The following EPB41L1 variants were observed in gnomAD, a reference collection of about 807,000 sequenced individuals.
EPB41L1 encodes the protein band 4.1-like protein 1.
EPB41L1 carries 29 observed loss-of-function variants against 97.8 expected under a neutral mutation model. The ratio of observed to expected loss-of-function variants is 0.30; its 90% CI spans 0.22 to 0.40. EPB41L1 has a LOEUF of 0.40. EPB41L1 is among the 10% of genes least tolerant of loss of function. The probability of loss-of-function intolerance (pLI) is 1.00; values close to 1 mark genes in which losing one functional copy is unlikely to be tolerated. For missense variants in EPB41L1, 812 were observed against 1,162.3 expected (o/e 0.70, Z 4.38); for synonymous variants, 383 against 459.2 (o/e 0.83, Z 2.12).
At position 36,230,616 on chromosome 20, in the gene EPB41L1, C is replaced by G. The variant is rs1375347596; in HGVS notation, c.*1276C>G. The G allele has an allele frequency of 6.6e-6, 1 of 152,252 alleles. No individual in the cohort carries two copies. The highest frequency in any genetic ancestry group is 6.5e-5 in the Admixed American group (1 of 15,276). The allele number at this position is 152,252 out of a possible 1,614,324, so 9.4% of individuals were successfully genotyped here. ...GCCAGTTCAAGACACCTTCTCCCTG[C>G]CCCCCTGGTAGTAACAGTCAGGGCC... On this transcript the variant is annotated 3_prime_UTR_variant, in exon 22 of 22. Coordinates refer to ENST00000338074, the MANE Select transcript of EPB41L1 (RefSeq NM_012156.2).
rs939930947 is a variant in EPB41L1, at chr20:36,214,238, G to A, written c.2185-119G>A. On this transcript the variant is annotated intron_variant, in intron 16 of 21. Transcript: ENST00000338074. The stretch of plus-strand genomic sequence containing the variant: ...TGATTTGGTCTGTGTGCAGCCCCCT[G>A]CCAGTGATGTTCACTCACACAGCCT... The A allele has an allele frequency of 1.8e-5, 13 of 733,676 alleles. No individual in the cohort carries two copies. The Admixed American group carries it at 1.8e-4, about 10-fold the overall frequency. The allele number at this position is 733,676 out of a possible 1,614,324, so 45.4% of individuals were successfully genotyped here.
intron 2 of EPB41L1, among the ~76,000 whole-genome samples, chr20:36,116,831 T>A (rs892567446): frequency 6.6e-6 from 1 of 152,150 alleles, no homozygotes; most frequent in Non-Finnish European, 1.5e-5. Context: ...TTTGGATTTT[T>A]CTCCAAACAA....
intron 13 of EPB41L1, among the ~76,000 whole-genome samples, chr20:36,196,759 T>G (rs542616038): frequency 6.6e-6 from 1 of 152,298 alleles, no homozygotes; most frequent in Non-Finnish European, 1.5e-5. Context: ...TGAATTGAGT[T>G]AACATGAATT....
chr20:36,199,960 A>AC (rs2062410168), intron 14 of EPB41L1, among the ~76,000 whole-genome samples: 1 of 152,140 alleles, frequency 6.6e-6, no homozygotes, highest in Non-Finnish European at 1.5e-5. Flanking sequence ...GGGTCTTAGT[A>AC]AAAGGTGGAA....
intron 17 of EPB41L1, among the ~76,000 whole-genome samples, chr20:36,218,116 AGAGTGGCGTGCACAGTGTGTTG>A (rs2063550338): frequency 6.6e-6 from 1 of 152,220 alleles, no homozygotes; most frequent in East Asian, 1.9e-4. Context: ...TCCCAAGGGC[AGAGTGGCGTGCACAGTGTGTTG>A]GACTTGGAGT....
intron 4 of EPB41L1, 59 bp from the exon 5 acceptor site, chr20:36,178,571 C>T: frequency 6.5e-7 from 1 of 1,541,758 alleles, no homozygotes; most frequent in Non-Finnish European, 9.0e-7. Context: ...TTCTCTCTCT[C>T]AGCCCAGTCA....
intron 1 of EPB41L1, among the ~76,000 whole-genome samples, chr20:36,105,908 A>C (rs1382040221): frequency 6.6e-6 from 1 of 151,970 alleles, no homozygotes; most frequent in South Asian, 2.1e-4. Flanking sequence ...CCTTTTCCCT[A>C]TTCTGGAATC....
chr20:36,178,554 A>G (rs2061345697), intron 4 of EPB41L1, 76 bp from the exon 5 acceptor site: 1 of 1,453,186 alleles, frequency 6.9e-7, no homozygotes, highest in Non-Finnish European at 9.7e-7. Context: ...CAGCCATTTC[A>G]GGATATTTCT....
Position 36,195,430 on chromosome 20 carries a change from C to T in EPB41L1, c.1485+66C>T. 1 of 1,573,568 alleles carries T rather than the reference C, an allele frequency of 6.4e-7. No individual in the cohort carries two copies. Among genetic ancestry groups the T allele is most frequent in the Non-Finnish European group, 8.7e-7 (1 of 1,143,620 alleles). Reference sequence around the variant, plus strand: ...ATCCCTAGCTCATTTGTCACCATCCCACAGTCCATCCCAGGCTCACTTCCC... The same window carrying T: ...ATCCCTAGCTCATTTGTCACCATCCTACAGTCCATCCCAGGCTCACTTCCC... On this transcript the variant is annotated intron_variant, in intron 13 of 21. Transcript: ENST00000338074. The surrounding 1 kb of genome is among the most constrained non-coding windows in gnomAD (Gnocchi z 4.6).
intron 2 of EPB41L1, among the ~76,000 whole-genome samples, chr20:36,146,576 T>C (rs2059840686): frequency 6.6e-6 from 1 of 152,144 alleles, no homozygotes; most frequent in Non-Finnish European, 1.5e-5. Context: ...CCTTGTGAAG[T>C]TGCGGATTAA....
chr20:36,154,981 G>C lies in EPB41L1; in HGVS notation c.-15+85G>C. On this transcript the variant is annotated intron_variant, in intron 1 of 21. Coordinates refer to ENST00000338074, the MANE Select transcript of EPB41L1 (RefSeq NM_012156.2). This position sits in a 1 kb window ranked among gnomAD's most constrained non-coding sequence, Gnocchi z 5.5. ...AGCCTCCAGCCCTGGGGAGGAACGG[G>C]GGCGAGGCCGAGAACTGAGTTTTCA... 8.8e-7 allele frequency: 1 copy of C among 1,133,546 alleles called. No homozygotes were observed. The highest frequency in any genetic ancestry group is 1.6e-5 in the African/African-American group (1 of 61,404). The allele number at this position is 1,133,546 out of a possible 1,614,324, so 70.2% of individuals were successfully genotyped here.
intron 2 of EPB41L1, among the ~76,000 whole-genome samples, chr20:36,124,566 C>G (rs1008597443): frequency 6.6e-6 from 1 of 152,222 alleles, no homozygotes; most frequent in Admixed American, 6.5e-5. Context: ...TTTCCTGGCT[C>G]TTTGCCGCCT....
intron 14 of EPB41L1, chr20:36,200,869 G>A: frequency 2.2e-6 from 1 of 456,184 alleles, no homozygotes; most frequent in Non-Finnish European, 4.4e-6. Flanking sequence ...GGCCTCCCCT[G>A]CAGTCCCAGA....
At chr20:36,128,257 C>T (rs954030979) in intron 2 of EPB41L1, among the ~76,000 whole-genome samples, 2 of 152,140 alleles carry the variant, frequency 1.3e-5, no homozygotes, top group African/African-American at 4.8e-5. Flanking sequence ...ACAGGAGACA[C>T]CAAGTTCCCT....
chr20:36,215,589 G>A (rs1375952829), intron 17 of EPB41L1, among the ~76,000 whole-genome samples: 1 of 152,112 alleles, frequency 6.6e-6, no homozygotes, highest in Non-Finnish European at 1.5e-5. Context: ...ACCTTTCCCT[G>A]GTCACTCAGT....
At chr20:36,172,267 C>G (rs1046273927) in intron 1 of EPB41L1, among the ~76,000 whole-genome samples, 1 of 152,042 alleles carries the variant, frequency 6.6e-6, no homozygotes, top group Non-Finnish European at 1.5e-5. Context: ...TTAGTAGAGA[C>G]GGGGTTTCAC....
At chr20:36,154,560 G>A (rs1212651559), upstream of EPB41L1, among the ~76,000 whole-genome samples, 1 of 149,502 alleles carries the variant, frequency 6.7e-6, no homozygotes. The surrounding 1 kb of genome is among the most constrained non-coding windows in gnomAD (Gnocchi z 5.5). Context: ...GGAGGCGGAG[G>A]CAGGGGCAGG....
At chr20:36,185,096 C>T (rs2061629567) in intron 6 of EPB41L1, 21 bp from the exon 7 acceptor site, 1 of 1,611,240 alleles carries the variant, frequency 6.2e-7, no homozygotes, top group Non-Finnish European at 8.5e-7. Context: ...TGTGCCCATG[C>T]TGGCTCTCCC....
At position 36,191,287 on chromosome 20, in the gene EPB41L1, C is replaced by G. The variant is rs377336323; in HGVS notation, c.1300+490C>G. ...GATGATGCCTTATCTGCTGGGAGGC[C>G]AGGGCATCGTTCTTGGTCATTCTTT... On this transcript the variant is annotated intron_variant, in intron 11 of 21. Coordinates refer to ENST00000338074, the MANE Select transcript of EPB41L1 (RefSeq NM_012156.2). Among the ~76,000 whole-genome samples the G allele has an allele frequency of 7.9e-5, 12 of 152,204 alleles. No individual in the cohort carries two copies. The East Asian group carries it at 1.9e-3, about 24-fold the overall frequency.
Sources: gnomAD v4.1 joint callset for allele counts (sites outside exome capture counted in the v4.1 genomes callset) on GRCh38, gnomAD v4.1.1 for gene constraint, Gnocchi (gnomAD v3.1) non-coding constraint, MANE v1.5 for transcripts, NCBI Gene and HGNC (gene_info 2026-07-23, HGNC 2026-07-21) for gene names.